MAPT: variants seen among roughly 807,000 people sequenced by gnomAD.
MAPT encodes microtubule associated protein tau.
In MAPT, 34 loss-of-function variants were observed where a neutral mutation model predicts 67.9. That is an observed-to-expected ratio of 0.50 (90% confidence interval 0.38 to 0.67). MAPT has a LOEUF of 0.67. MAPT is among the 30% of genes least tolerant of loss of function. The pLI, the probability that MAPT is intolerant of heterozygous loss-of-function variation, is 0.00. For synonymous variants in MAPT, 456 were observed against 464.5 expected (o/e 0.98, Z 0.23); for missense variants, 881 against 1,115.2 (o/e 0.79, Z 2.99).
chr17:45,979,521 C>A (rs1315658279), intron 4 of MAPT: 2 of 152,158 alleles, frequency 1.3e-5, no homozygotes, highest in African/African-American at 4.8e-5. Context: ...GAGGTCACAG[C>A]CTATAGCAGG....
At position 45,971,046 on chromosome 17, in the gene MAPT, G is replaced by T. The variant is rs997350368; in HGVS notation, c.134-813G>T. Among the ~76,000 whole-genome samples the T allele has an allele frequency of 6.6e-6, 1 of 152,184 alleles. No individual in the cohort carries two copies. Among genetic ancestry groups the T allele is most frequent in the African/African-American group, 2.4e-5 (1 of 41,438 alleles). On this transcript the variant is annotated intron_variant, in intron 2 of 12. Transcript: ENST00000262410. This position sits in a 1 kb window ranked among gnomAD's most constrained non-coding sequence, Gnocchi z 4.3. ...AGCCCTGGATACTGCATGATGCATT[G>T]ATAAGCCCATAAAATAACCAGGGCA...
Position 46,010,107 on chromosome 17 carries a change from C to T in MAPT, c.1999-203C>T, listed in dbSNP as rs556884497. Among the ~76,000 whole-genome samples, 6 of 152,194 alleles carry T rather than the reference C, an allele frequency of 3.9e-5. No homozygotes were observed. Among genetic ancestry groups the T allele is most frequent in the African/African-American group, 1.4e-4 (6 of 41,448 alleles). The stretch of plus-strand genomic sequence containing the variant: ...GGATGCCTTCAGAGCAGCCCTCTAT[C>T]CCTTCAGCTCCCCTGGGATGTGACT... On this transcript the variant is annotated intron_variant, in intron 9 of 12. Transcript: ENST00000262410. This position sits in a 1 kb window ranked among gnomAD's most constrained non-coding sequence, Gnocchi z 4.7.
In MAPT at chr17:45,996,327, C is replaced by A; in HGVS notation, c.1733-72C>A. The A allele has an allele frequency of 6.5e-7, 1 of 1,550,340 alleles. No individual in the cohort carries two copies. ...TGAGCCTGGGAATGGACCCACGGGACAGGCAGCCCCCAGGGCCTTTTCTGA... is the reference window on the plus strand; with the variant it reads ...TGAGCCTGGGAATGGACCCACGGGAAAGGCAGCCCCCAGGGCCTTTTCTGA... On this transcript the variant is annotated intron_variant, in intron 8 of 12. Coordinates refer to ENST00000262410, the MANE Select transcript of MAPT (RefSeq NM_001377265.1). This position sits in a 1 kb window ranked among gnomAD's most constrained non-coding sequence, Gnocchi z 4.5.
At chr17:45,901,363 C>G (rs1255053908) in intron 1 of MAPT, among the ~76,000 whole-genome samples, 1 of 152,050 alleles carries the variant, frequency 6.6e-6, no homozygotes, top group Non-Finnish European at 1.5e-5. Context: ...GAGGGCTGAT[C>G]GAGAAAGTAA....
intron 1 of MAPT, among the ~76,000 whole-genome samples, chr17:45,925,139 G>A (rs1456540383): frequency 2.0e-5 from 3 of 152,244 alleles, no homozygotes; most frequent in Non-Finnish European, 4.4e-5. Context: ...TTTGACGCAT[G>A]ATAGGAATTC....
chr17:45,951,432 T>C (rs1486002810), intron 1 of MAPT, among the ~76,000 whole-genome samples: 1 of 152,198 alleles, frequency 6.6e-6, no homozygotes, highest in African/African-American at 2.4e-5. Context: ...ATTGGATTTA[T>C]GATTCGATTC....
chr17:45,910,019 C>T (rs1028861376), intron 1 of MAPT, among the ~76,000 whole-genome samples: 4 of 151,986 alleles, frequency 2.6e-5, no homozygotes, highest in African/African-American at 7.3e-5. Context: ...CCAGCCTGGG[C>T]GACAGAGTGA....
At chr17:45,903,375 C>T (rs1018492018) in intron 1 of MAPT, among the ~76,000 whole-genome samples, 2 of 152,022 alleles carry the variant, frequency 1.3e-5, no homozygotes, top group African/African-American at 4.8e-5. Context: ...GCCTCATCCC[C>T]CTCCCATGGC....
intron 2 of MAPT, among the ~76,000 whole-genome samples, chr17:45,963,721 T>G (rs917491616): frequency 1.3e-5 from 2 of 152,154 alleles, no homozygotes; most frequent in African/African-American, 4.8e-5. Flanking sequence ...GATATGTCTA[T>G]TCAGGAAGAT....
intron 1 of MAPT, among the ~76,000 whole-genome samples, chr17:45,956,979 T>G (rs992984869): frequency 6.6e-6 from 1 of 152,088 alleles, no homozygotes; most frequent in African/African-American, 2.4e-5. Context: ...TGCCACATTT[T>G]CTTAATCCAG....
At chr17:45,943,490 G>A (rs1001832875) in intron 1 of MAPT, among the ~76,000 whole-genome samples, 4 of 152,130 alleles carry the variant, frequency 2.6e-5, no homozygotes, top group African/African-American at 4.8e-5. Flanking sequence ...TCTCCCCTGC[G>A]ACTTTCAGAG....
chr17:45,926,674 C>T (rs1278709668), intron 1 of MAPT, among the ~76,000 whole-genome samples: 1 of 152,040 alleles, frequency 6.6e-6, no homozygotes, highest in Non-Finnish European at 1.5e-5. Flanking sequence ...CACATATGGA[C>T]TTATAATAGT....
intron 9 of MAPT, among the ~76,000 whole-genome samples, chr17:45,998,080 A>AG (rs1051248253): frequency 1.4e-4 from 21 of 152,200 alleles, no homozygotes; most frequent in African/African-American, 4.3e-4. Context: ...TCGGGGAGCT[A>AG]GGGGGCTTTC....
chr17:46,012,231 G>A (rs1253346377), intron 10 of MAPT, among the ~76,000 whole-genome samples: 1 of 152,170 alleles, frequency 6.6e-6, no homozygotes, highest in Non-Finnish European at 1.5e-5. Flanking sequence ...GGGCTGCGTG[G>A]CCAACCCCTC....
At chr17:45,968,174 A>G (rs904142291) in intron 2 of MAPT, among the ~76,000 whole-genome samples, 7 of 151,882 alleles carry the variant, frequency 4.6e-5, no homozygotes, top group African/African-American at 1.7e-4. Context: ...TGATCTTTTC[A>G]TACAGCCAGA....
intron 6 of MAPT, among the ~76,000 whole-genome samples, chr17:45,988,054 G>T (rs2073737934): frequency 6.6e-6 from 1 of 152,228 alleles, no homozygotes; most frequent in Non-Finnish European, 1.5e-5. Flanking sequence ...GCCTCGGCCA[G>T]CTGGGGAGTG....
chr17:45,984,923 C>T (rs1016190581), intron 5 of MAPT, among the ~76,000 whole-genome samples: 1 of 152,218 alleles, frequency 6.6e-6, no homozygotes, highest in East Asian at 1.9e-4. Context: ...GTTACTGAAG[C>T]TCACAGTTGC....
chr17:46,018,538 C>A, intron 11 of MAPT, 80 bp from the exon 12 acceptor site: 2 of 1,068,920 alleles, frequency 1.9e-6, no homozygotes, highest in Non-Finnish European at 2.9e-6. Context: ...CTGTAGACTG[C>A]AGACCTCATG....
intron 8 of MAPT, among the ~76,000 whole-genome samples, chr17:45,992,643 C>G (rs977270236): frequency 1.3e-5 from 2 of 151,884 alleles, no homozygotes; most frequent in African/African-American, 2.4e-5. Context: ...AATCCCAGCA[C>G]TTTGGGAGGC....
Sources: gnomAD v4.1 joint callset for allele counts (sites outside exome capture counted in the v4.1 genomes callset) on GRCh38, gnomAD v4.1.1 for gene constraint, Gnocchi (gnomAD v3.1) non-coding constraint, MANE v1.5 for transcripts, NCBI Gene and HGNC (gene_info 2026-07-23, HGNC 2026-07-21) for gene names.